The following FHIT variants were observed in gnomAD, a reference collection of about 807,000 sequenced individuals.
FHIT encodes fragile histidine triad diadenosine triphosphatase, also known as bis(5'-adenosyl)-triphosphatase.
A neutral mutation model predicts 17.9 loss-of-function variants in FHIT; 19 were observed. The ratio of observed to expected loss-of-function variants is 1.06; its 90% confidence interval spans 0.74 to 1.56. The LOEUF is 1.56. FHIT is among the 40% of genes most tolerant of loss of function. FHIT has a pLI of 0.00. For missense variants in FHIT, 248 were observed against 189.2 expected, an observed-to-expected ratio of 1.31 and a Z score of -1.82; for synonymous variants, 81 against 69.7, an observed-to-expected ratio of 1.16 and a Z score of -0.81.
intron 4 of FHIT, among the ~76,000 whole-genome samples, chr3:60,776,154 C>A (rs1210687835): frequency 6.6e-6 from 1 of 152,136 alleles, no homozygotes; most frequent in African/African-American, 2.4e-5. Context: ...ATCCTGAGGG[C>A]ATGGCTGGTA....
chr3:61,098,992 T>C (rs920149980), intron 2 of FHIT, among the ~76,000 whole-genome samples: 3 of 152,228 alleles, frequency 2.0e-5, no homozygotes, highest in African/African-American at 7.2e-5. Context: ...ATCGTTGTCT[T>C]ATGCTGATTT....
At chr3:59,850,003 T>C (rs993414352) in intron 8 of FHIT, among the ~76,000 whole-genome samples, 2 of 152,178 alleles carry the variant, frequency 1.3e-5, no homozygotes, top group East Asian at 1.9e-4. Flanking sequence ...TTTTTTTCCA[T>C]ACAATTTTAA....
chr3:60,410,729 C>A (rs1430381649), intron 5 of FHIT, among the ~76,000 whole-genome samples: 5 of 152,010 alleles, frequency 3.3e-5, no homozygotes, highest in Admixed American at 6.6e-5. Context: ...AATAATTTCC[C>A]TGGAAAACTA....
At chr3:60,845,252 A>T (rs536197666) in intron 3 of FHIT, among the ~76,000 whole-genome samples, 14 of 152,006 alleles carry the variant, frequency 9.2e-5, no homozygotes, top group South Asian at 2.1e-4. Flanking sequence ...AAAAAATAAA[A>T]TTTTTTTTGT....
chr3:60,399,981 G>C (rs1282390858), intron 5 of FHIT, among the ~76,000 whole-genome samples: 1 of 152,128 alleles, frequency 6.6e-6, no homozygotes, highest in Non-Finnish European at 1.5e-5. Flanking sequence ...ACTAGTCTGA[G>C]GCAGTCAGTT....
intron 5 of FHIT, among the ~76,000 whole-genome samples, chr3:60,156,917 T>C (rs7649422): frequency 0.093 from 14,169 of 152,130 alleles, 820 homozygotes; most frequent in Middle Eastern, 0.18. Context: ...AGCAAAATGA[T>C]ACTTCTTCCA....
intron 5 of FHIT, among the ~76,000 whole-genome samples, chr3:60,101,325 C>T (rs1483011530): frequency 6.6e-6 from 1 of 152,234 alleles, no homozygotes; most frequent in Non-Finnish European, 1.5e-5. Flanking sequence ...CTCCCTCACA[C>T]CTCCTGCACC....
At chr3:60,649,404 A>AAAAAC (rs1165965684) in intron 4 of FHIT, among the ~76,000 whole-genome samples, 1 of 152,200 alleles carries the variant, frequency 6.6e-6, no homozygotes, top group East Asian at 1.9e-4. Context: ...TCCATCTCAA[A>AAAAAC]AAAACAAAAC....
chr3:60,307,766 T>C (rs760322), intron 5 of FHIT, among the ~76,000 whole-genome samples: 1 of 151,848 alleles, frequency 6.6e-6, no homozygotes, highest in Non-Finnish European at 1.5e-5. Flanking sequence ...GAGAGAGCTG[T>C]TTCCCTACTA....
intron 5 of FHIT, among the ~76,000 whole-genome samples, chr3:60,052,091 A>G (rs1342138277): frequency 6.6e-6 from 1 of 152,190 alleles, no homozygotes; most frequent in Non-Finnish European, 1.5e-5. Context: ...CTACCCCATG[A>G]GCCACTTGTT....
intron 5 of FHIT, among the ~76,000 whole-genome samples, chr3:60,214,153 A>G (rs1426481546): frequency 6.6e-6 from 1 of 152,168 alleles, no homozygotes; most frequent in East Asian, 1.9e-4. Flanking sequence ...TTCTTATTTG[A>G]GAGTTTCATA....
chr3:61,119,223 A>C (rs1559996633), intron 2 of FHIT, among the ~76,000 whole-genome samples: 1 of 147,714 alleles, frequency 6.8e-6, no homozygotes, highest in Non-Finnish European at 1.5e-5. Context: ...TGTGATAGTA[A>C]TTTTTTTTTT....
At chr3:61,206,696 T>C (rs1448679275) in intron 1 of FHIT, among the ~76,000 whole-genome samples, 1 of 151,818 alleles carries the variant, frequency 6.6e-6, no homozygotes, top group Admixed American at 6.6e-5. Flanking sequence ...TGAAGTTGCT[T>C]ATCAGCTTAA....
chr3:60,536,844 A>C lies in FHIT; in HGVS notation c.103+16T>G, dbSNP rs1418061975. 10 of 1,575,594 alleles carry C rather than the reference A, an allele frequency of 6.3e-6. No individual in the cohort carries two copies. Among genetic ancestry groups the C allele is most frequent in the Non-Finnish European group, 8.6e-6 (10 of 1,168,098 alleles). On this transcript the variant is annotated intron_variant, in intron 5 of 9. Coordinates refer to ENST00000492590, the MANE Select transcript of FHIT (RefSeq NM_002012.4). Reference sequence around the variant, plus strand: ...GACTTTTATTTTCCCTCTCCAAAAAAAAAAAGAAAGGATACGTCCTGGTAC... The same window carrying C: ...GACTTTTATTTTCCCTCTCCAAAAACAAAAAGAAAGGATACGTCCTGGTAC...
At chr3:60,722,707 CTT>C (rs1157024624) in intron 4 of FHIT, among the ~76,000 whole-genome samples, 34 of 104,942 alleles carry the variant, frequency 3.2e-4, no homozygotes, top group Middle Eastern at 5.4e-3. Flanking sequence ...TACCTTAAAT[CTT>C]TTTTTTTTTT....
intron 2 of FHIT, among the ~76,000 whole-genome samples, chr3:61,057,203 G>A (rs1021885191): frequency 1.3e-5 from 2 of 152,156 alleles, no homozygotes; most frequent in Non-Finnish European, 2.9e-5. Context: ...ATTTAGTTTT[G>A]TCATTTTGAT....
At chr3:59,999,467 T>C (rs1334198671) in intron 7 of FHIT, among the ~76,000 whole-genome samples, 2 of 152,142 alleles carry the variant, frequency 1.3e-5, no homozygotes, top group Non-Finnish European at 2.9e-5. Flanking sequence ...ATTGCAGATA[T>C]GCAGAGGCAC....
At chr3:59,759,751 TTGTCTA>T (rs1701410044) in intron 8 of FHIT, among the ~76,000 whole-genome samples, 6 of 152,108 alleles carry the variant, frequency 3.9e-5, no homozygotes. Flanking sequence ...GGAGCTTCCT[TTGTCTA>T]TGTGCTGGTT....
At chr3:60,435,442 A>AT (rs11347167) in intron 5 of FHIT, among the ~76,000 whole-genome samples, 25,716 of 151,072 alleles carry the variant, frequency 0.17, 2,399 homozygotes, top group Admixed American at 0.28. Flanking sequence ...AATAAAAATG[A>AT]TTTTTTTTTT....
Sources: gnomAD v4.1 joint callset for allele counts (sites outside exome capture counted in the v4.1 genomes callset) on GRCh38, gnomAD v4.1.1 for gene constraint, MANE v1.5 for transcripts, NCBI Gene and HGNC (gene_info 2026-07-23, HGNC 2026-07-21) for gene names.